Variants in CAMK2D observed in about 807,000 individuals in gnomAD.
CAMK2D encodes calcium/calmodulin dependent protein kinase II delta, also known as calcium/calmodulin-dependent protein kinase type II subunit delta.
In CAMK2D, 37 loss-of-function variants were observed where a neutral mutation model predicts 84.0. The ratio of observed to expected loss-of-function variants is 0.44; its 90% CI spans 0.34 to 0.58. The LOEUF is 0.58. CAMK2D is among the 20% of genes least tolerant of loss of function. The pLI is 0.02. For missense variants in CAMK2D, 448 were observed against 652.5 expected, an observed-to-expected ratio of 0.69 and a Z score of 3.41; for synonymous variants, 202 against 212.5, an observed-to-expected ratio of 0.95 and a Z score of 0.43.
intron 17 of CAMK2D, among the ~76,000 whole-genome samples, chr4:113,463,932 A>G (rs2097424453): frequency 6.6e-6 from 1 of 152,242 alleles, no homozygotes; most frequent in African/African-American, 2.4e-5. Flanking sequence ...TAAAAAATTT[A>G]TACTTGTTAA....
At chr4:113,698,314 T>C (rs752489989) in intron 2 of CAMK2D, among the ~76,000 whole-genome samples, 1 of 152,076 alleles carries the variant, frequency 6.6e-6, no homozygotes, top group Non-Finnish European at 1.5e-5. Flanking sequence ...ATATTCCATA[T>C]CAATGCTCTT....
At chr4:113,455,626 T>A in intron 20 of CAMK2D, 100 bp downstream of exon 20, 1 of 644,690 alleles carries the variant, frequency 1.6e-6, no homozygotes, top group East Asian at 2.6e-5. Context: ...TTTCATTGAA[T>A]ATTATGCAAT....
intron 2 of CAMK2D, among the ~76,000 whole-genome samples, chr4:113,730,396 T>C (rs1219882438): frequency 6.6e-6 from 1 of 152,180 alleles, no homozygotes; most frequent in African/African-American, 2.4e-5. Context: ...GATGAAATAA[T>C]TTTATATCCA....
intron 5 of CAMK2D, chr4:113,548,689 G>A: frequency 6.3e-7 from 1 of 1,585,536 alleles, no homozygotes; most frequent in South Asian, 1.1e-5. Flanking sequence ...CCATTTAGGT[G>A]ACAATGATTA....
chr4:113,713,675 G>A (rs2099501932), intron 2 of CAMK2D, among the ~76,000 whole-genome samples: 1 of 150,916 alleles, frequency 6.6e-6, no homozygotes, highest in Non-Finnish European at 1.5e-5. Context: ...TATAATTACT[G>A]ACAACTTCAA....
intron 8 of CAMK2D, among the ~76,000 whole-genome samples, chr4:113,522,390 CTTG>C (rs895274918): frequency 1.3e-5 from 2 of 152,164 alleles, no homozygotes; most frequent in Admixed American, 6.5e-5. Flanking sequence ...TCTCTCTTAC[CTTG>C]TTGTAGTATG....
chr4:113,684,119 T>G (rs998354415), intron 2 of CAMK2D, among the ~76,000 whole-genome samples: 5 of 152,216 alleles, frequency 3.3e-5, no homozygotes, highest in Admixed American at 1.3e-4. Flanking sequence ...TGAATGCTGT[T>G]TTTGAAAATC....
At chr4:113,459,290 C>T (rs1164512445) in intron 18 of CAMK2D, among the ~76,000 whole-genome samples, 1 of 152,118 alleles carries the variant, frequency 6.6e-6, no homozygotes, top group African/African-American at 2.4e-5. Context: ...ATGATTATAG[C>T]TCACTGCAGC....
chr4:113,565,555 G>A (rs2154215556), intron 4 of CAMK2D, among the ~76,000 whole-genome samples: 1 of 151,734 alleles, frequency 6.6e-6, no homozygotes, highest in Admixed American at 6.6e-5. Context: ...GGAGGTTGAG[G>A]TAGGAGAATC....
At position 113,761,615 on chromosome 4, in the gene CAMK2D, G is replaced by C. The variant is rs917273845; in HGVS notation, c.-547C>G. The C allele has an allele frequency of 1.0e-6, 1 of 985,018 alleles. No homozygotes were observed. The allele number at this position is 985,018 out of a possible 1,614,324, so 61.0% of individuals were successfully genotyped here. On this transcript the variant is annotated 5_prime_UTR_variant, in exon 1 of 21. Transcript: ENST00000511664. ...GCGGGGCGCGCCGGGGCTCCGACGA[G>C]CGTGCGCGCCCGAGGCCGGCTTCCC...
At chr4:113,695,135 TC>T (rs2099398956) in intron 2 of CAMK2D, among the ~76,000 whole-genome samples, 1 of 152,136 alleles carries the variant, frequency 6.6e-6, no homozygotes, top group African/African-American at 2.4e-5. Context: ...AGTACAATGT[TC>T]CTCCACATCT....
At chr4:113,520,943 C>T (rs1359182667) in intron 8 of CAMK2D, among the ~76,000 whole-genome samples, 1 of 151,998 alleles carries the variant, frequency 6.6e-6, no homozygotes, top group Non-Finnish European at 1.5e-5. Context: ...GTGGGAAGAT[C>T]ACTTGAGCCC....
chr4:113,643,359 G>C (rs574428347), intron 3 of CAMK2D, among the ~76,000 whole-genome samples: 71 of 152,366 alleles, frequency 4.7e-4, no homozygotes, highest in African/African-American at 1.6e-3. Context: ...AGGCAAGTAT[G>C]ATAGGTTCAG....
intron 4 of CAMK2D, among the ~76,000 whole-genome samples, chr4:113,607,422 G>A (rs762030880): frequency 6.6e-6 from 1 of 152,120 alleles, no homozygotes; most frequent in Non-Finnish European, 1.5e-5. Flanking sequence ...CAAGCCTGCA[G>A]GTACGCATTA....
rs1013772826 is a variant in CAMK2D, at chr4:113,491,456, C to T, written c.1135+9007G>A. On this transcript the variant is annotated intron_variant, in intron 16 of 20. Coordinates refer to ENST00000511664, the MANE Select transcript of CAMK2D (RefSeq NM_001321571.2). ...ATGCTGGATTACATTTATTGATTTG[C>T]GTATATTGAACCAGCCTTGCATCCC... Among the ~76,000 whole-genome samples, 8 of 150,592 alleles carry T rather than the reference C, an allele frequency of 5.3e-5. No individual in the cohort carries two copies. The South Asian group carries it at 6.4e-4, about 12-fold the overall frequency.
At chr4:113,691,320 A>G (rs1452164419) in intron 2 of CAMK2D, among the ~76,000 whole-genome samples, 2 of 152,248 alleles carry the variant, frequency 1.3e-5, no homozygotes, top group African/African-American at 4.8e-5. Context: ...ACTTTAGATT[A>G]CAGCTATCTG....
intron 16 of CAMK2D, among the ~76,000 whole-genome samples, chr4:113,490,804 C>A (rs2097829829): frequency 8.1e-6 from 1 of 123,892 alleles, no homozygotes; most frequent in East Asian, 2.1e-4. Flanking sequence ...TGTTTGTATC[C>A]TCTTTTATTT....
At chr4:113,754,172 T>C in intron 2 of CAMK2D, 1 of 934,086 alleles carries the variant, frequency 1.1e-6, no homozygotes, top group Non-Finnish European at 1.3e-6. Context: ...GAAATACTAT[T>C]GTAACTTAAA....
intron 3 of CAMK2D, among the ~76,000 whole-genome samples, chr4:113,627,577 G>A (rs1176091708): frequency 7.9e-5 from 12 of 152,164 alleles, no homozygotes; most frequent in Non-Finnish European, 5.9e-5. Context: ...ATGCATGAAT[G>A]AAGCTTATCT....
Sources: allele counts gnomAD v4.1 joint callset (sites outside exome capture counted in the v4.1 genomes callset), GRCh38; gene constraint gnomAD v4.1.1; transcripts MANE v1.5; gene names NCBI Gene and HGNC (gene_info 2026-07-23, HGNC 2026-07-21).